The following POLH variants were observed in gnomAD, a reference collection of about 807,000 sequenced individuals.
POLH encodes DNA polymerase eta, also known as DNA polymerase eta transcript.
POLH carries 53 observed loss-of-function variants against 73.6 expected under a neutral mutation model. That is an observed-to-expected ratio of 0.72 (90% CI 0.58 to 0.91). POLH has a LOEUF of 0.91. Ranked by LOEUF, POLH falls within the 40% of genes least tolerant of loss-of-function variation. POLH has a pLI of 0.00. For synonymous variants in POLH, 292 were observed against 308.5 expected (o/e 0.95, Z 0.56); for missense variants, 768 against 865.4 (o/e 0.89, Z 1.41).
rs751729661 is a variant in POLH, at chr6:43,582,316, A to G, written c.-4A>G. ...CTGTCCATAAAATGTTGTGTTACAGAAAAATGGCTACTGGACAGGATCGAG... is the reference window on the plus strand; with the variant it reads ...CTGTCCATAAAATGTTGTGTTACAGGAAAATGGCTACTGGACAGGATCGAG... On this transcript the variant is annotated splice_region_variant and 5_prime_UTR_variant, in exon 2 of 11. Transcript: ENST00000372236. 5.6e-6 allele frequency: 9 copies of G among 1,613,396 alleles called. 1 individual carries two copies. In the South Asian group the frequency reaches 7.7e-5, roughly 14 times the overall value.
intron 6 of POLH, among the ~76,000 whole-genome samples, chr6:43,602,811 C>T (rs1032511312): frequency 1.3e-5 from 2 of 150,584 alleles, no homozygotes; most frequent in African/African-American, 4.9e-5. Flanking sequence ...GGGACCACAG[C>T]TGCATGCCAC....
At chr6:43,580,745 G>T (rs1314127071) in intron 1 of POLH, among the ~76,000 whole-genome samples, 1 of 136,272 alleles carries the variant, frequency 7.3e-6, no homozygotes, top group Non-Finnish European at 1.6e-5. Context: ...CCCGGACGGG[G>T]CGGCTGGCCG....
chr6:43,590,248 A>C (rs987781417), intron 4 of POLH, among the ~76,000 whole-genome samples: 7 of 151,964 alleles, frequency 4.6e-5, no homozygotes, highest in African/African-American at 1.7e-4. Flanking sequence ...AATCCCAGCT[A>C]TTCGGGAGGC....
In POLH at chr6:43,614,478, CTT is replaced by C; in HGVS notation, c.2065_2066del (p.Leu689GlyfsTer4). On this transcript the variant is annotated frameshift_variant, in exon 11 of 11. Coordinates refer to ENST00000372236, the MANE Select transcript of POLH (RefSeq NM_006502.3). LOFTEE classifies it high-confidence loss of function. Reference sequence around the variant, plus strand: ...CAAGGCAAAAGAAATCCCAAGAGCCCTTTGGCCTGCACTAATAAACGCCCCAG... The same window carrying C: ...CAAGGCAAAAGAAATCCCAAGAGCCCTGGCCTGCACTAATAAACGCCCCAG... 1 of 1,614,142 alleles carries C rather than the reference CTT, an allele frequency of 6.2e-7. No individual in the cohort carries two copies. The highest frequency in any genetic ancestry group is 8.5e-7 in the Non-Finnish European group (1 of 1,180,026).
At chr6:43,588,180 A>C (rs1026748258) in intron 4 of POLH, 2 of 156,694 alleles carry the variant, frequency 1.3e-5, no homozygotes, top group African/African-American at 4.8e-5. Context: ...GAGTTGAGTG[A>C]TTCAAAATTT....
At chr6:43,583,269 C>A in intron 3 of POLH, 128 bp downstream of exon 3, 1 of 805,946 alleles carries the variant, frequency 1.2e-6, no homozygotes, top group Non-Finnish European at 2.0e-6. Context: ...GGTTAGCCAT[C>A]TTGTCTCTGT....
At chr6:43,582,940 A>G (rs1310404559) in intron 2 of POLH, 67 bp from the exon 3 acceptor site, 19 of 1,354,510 alleles carry the variant, frequency 1.4e-5, no homozygotes, top group South Asian at 2.4e-5. Context: ...TACTTGTGTT[A>G]AATGTTACTT....
intron 4 of POLH, among the ~76,000 whole-genome samples, chr6:43,588,962 T>C (rs1463633637): frequency 2.0e-5 from 3 of 152,048 alleles, no homozygotes; most frequent in South Asian, 2.1e-4. Flanking sequence ...CTCAGCCTCC[T>C]GAGTAGCTGG....
At chr6:43,576,878 G>A (rs1264355040) in intron 1 of POLH, among the ~76,000 whole-genome samples, 1 of 152,186 alleles carries the variant, frequency 6.6e-6, no homozygotes, top group Non-Finnish European at 1.5e-5. Context: ...GCTCTTGGCC[G>A]GGCGCGGTGG....
At chr6:43,593,878 C>G (rs1447617108) in intron 4 of POLH, among the ~76,000 whole-genome samples, 1 of 85,186 alleles carries the variant, frequency 1.2e-5, no homozygotes, top group Non-Finnish European at 2.7e-5. Context: ...GACTCCGTCT[C>G]AAAAAAAAAA....
rs922328008 is a variant in POLH, at chr6:43,610,733, T to C, written c.1244+10T>C. The C allele has an allele frequency of 6.2e-7, 1 of 1,603,450 alleles. No individual in the cohort carries two copies. Among genetic ancestry groups the C allele is most frequent in the Non-Finnish European group, 8.5e-7 (1 of 1,172,118 alleles). ...GAATCCAGACAGAATGGTGAGTTCTTTTCTAGCTCATCTTCTCAGAATAGA... is the reference window on the plus strand; with the variant it reads ...GAATCCAGACAGAATGGTGAGTTCTCTTCTAGCTCATCTTCTCAGAATAGA... On this transcript the variant is annotated intron_variant, in intron 10 of 10. Transcript: ENST00000372236.
At chr6:43,583,453 A>G (rs1201007884) in intron 3 of POLH, among the ~76,000 whole-genome samples, 1 of 152,232 alleles carries the variant, frequency 6.6e-6, no homozygotes, top group Non-Finnish European at 1.5e-5. Flanking sequence ...AAAGTATTTG[A>G]AAAATTGACT....
At chr6:43,581,759 G>C (rs1225601364) in intron 1 of POLH, among the ~76,000 whole-genome samples, 4 of 149,778 alleles carry the variant, frequency 2.7e-5, no homozygotes, top group African/African-American at 4.9e-5. Context: ...CGCCGCGACT[G>C]TCCCGGCTCC....
intron 4 of POLH, among the ~76,000 whole-genome samples, chr6:43,596,355 C>T (rs190022394): frequency 1.8e-3 from 278 of 151,994 alleles, no homozygotes; most frequent in African/African-American, 4.3e-3. Flanking sequence ...TGGTGGCAGG[C>T]GCCTGTAGTC....
rs536734238 is a variant in POLH, at chr6:43,616,172, C to T, written c.*1615C>T. On this transcript the variant is annotated 3_prime_UTR_variant, in exon 11 of 11. Coordinates refer to ENST00000372236, the MANE Select transcript of POLH (RefSeq NM_006502.3). Reference sequence around the variant, plus strand: ...GCAGGCGCCTGTAGTCCCAGCTACTCGGGAGGCTGAGGCAGGAGAATGGTG... The same window carrying T: ...GCAGGCGCCTGTAGTCCCAGCTACTTGGGAGGCTGAGGCAGGAGAATGGTG... Among the ~76,000 whole-genome samples, 202 of 149,184 alleles carry T rather than the reference C, an allele frequency of 1.4e-3. No individual in the cohort carries two copies. The highest frequency in any genetic ancestry group is 2.4e-3 in the Non-Finnish European group (163 of 67,502).
chr6:43,613,570 TAAAA>T (rs1317533560), intron 10 of POLH, 86 bp from the exon 11 acceptor site: 134 of 1,100,964 alleles, frequency 1.2e-4, no homozygotes, highest in South Asian at 3.1e-4. Context: ...TATGGTGAAA[TAAAA>T]CAGATACAAT....
At chr6:43,578,525 A>C in intron 1 of POLH, 1 of 181,210 alleles carries the variant, frequency 5.5e-6, no homozygotes, top group South Asian at 8.6e-5. Context: ...ACTTTGTCTC[A>C]AAAAAAAAAA....
Position 43,614,102 on chromosome 6 carries a change from TTA to T in POLH, c.1688_1689del (p.Leu563SerfsTer16). 1 of 1,614,212 alleles carries T rather than the reference TTA, an allele frequency of 6.2e-7. No homozygotes were observed. Among genetic ancestry groups the T allele is most frequent in the Non-Finnish European group, 8.5e-7 (1 of 1,180,032 alleles). On this transcript the variant is annotated frameshift_variant, in exon 11 of 11. Coordinates refer to ENST00000372236, the MANE Select transcript of POLH (RefSeq NM_006502.3). LOFTEE classifies it high-confidence loss of function. ...AAACCCATGGTCCAACTGTAAAGCA[TTA>T]CCAAACTCTTTACCAACAGAGTATC... Reference protein sequence around the residue: ...QQNPWSNCKALPNSLPTEYPG... With the variant: ...QQNPWSNCKAXPNSLPTEYPG...
intron 5 of POLH, among the ~76,000 whole-genome samples, chr6:43,599,567 G>A (rs771364932): frequency 1.6e-4 from 25 of 151,530 alleles, no homozygotes; most frequent in Non-Finnish European, 3.5e-4. Flanking sequence ...GATTTTCCCT[G>A]GTTGATACCT....
Sources: allele counts gnomAD v4.1 joint callset (sites outside exome capture counted in the v4.1 genomes callset), GRCh38; gene constraint gnomAD v4.1.1; transcripts MANE v1.5; gene names NCBI Gene and HGNC (gene_info 2026-07-23, HGNC 2026-07-21).